Variants in ZPLD1 observed in about 807,000 individuals in gnomAD.
ZPLD1 encodes the protein zona pellucida like domain containing 1.
In ZPLD1, 34 loss-of-function variants were observed where a neutral mutation model predicts 47.2. That is an observed-to-expected ratio of 0.72 (90% CI 0.55 to 0.96). ZPLD1 has a LOEUF of 0.96. Among genes scored for constraint, ZPLD1 ranks in the 40% least tolerant of loss-of-function variants. ZPLD1 has a pLI of 0.00. For synonymous variants in ZPLD1, 176 were observed against 186.2 expected, an observed-to-expected ratio of 0.95 and a Z score of 0.45; for missense variants, 512 against 505.8, an observed-to-expected ratio of 1.01 and a Z score of -0.12.
At position 102,435,130 on chromosome 3, in the gene ZPLD1, T is replaced by C. The variant is rs1177591712; in HGVS notation, c.-147T>C. On this transcript the variant is annotated 5_prime_UTR_variant, in exon 1 of 12. Transcript: ENST00000466937. Reference sequence around the variant, plus strand: ...CTATGGCAAGATGATGCTCAGGTTTTCCATGTGCAGGGGAAATGATGAAGG... The same window carrying C: ...CTATGGCAAGATGATGCTCAGGTTTCCCATGTGCAGGGGAAATGATGAAGG... 2 of 1,614,058 alleles carry C rather than the reference T, an allele frequency of 1.2e-6. No individual in the cohort carries two copies. The highest frequency in any genetic ancestry group is 1.7e-6 in the Non-Finnish European group (2 of 1,180,016).
In ZPLD1 at chr3:102,464,172, T is replaced by C; in HGVS notation, c.682T>C (p.Trp228Arg). 3 of 1,606,780 alleles carry C rather than the reference T, an allele frequency of 1.9e-6. No individual in the cohort carries two copies. The highest frequency in any genetic ancestry group is 2.6e-6 in the Non-Finnish European group (3 of 1,173,790). The change falls in exon 8 of 12, where the codon TGG becomes CGG. Residue 228 changes from tryptophan to arginine, a missense_variant and splice_region_variant. Physicochemically the swap from Trp to Arg is moderately radical, Grantham distance 101. Coordinates refer to ENST00000466937, the MANE Select transcript of ZPLD1 (RefSeq NM_001329788.2). ...AVQATNLDGR[W>R]NVLMDYCYTT... The stretch of plus-strand genomic sequence containing the variant: ...TTATGTTTGCTTACATTCTTTCAGA[T>C]GGAATGTTTTAATGGATTATTGCTA...
chr3:102,422,201 G>T (rs1014487055), intron 8 of ZPLD1, among the ~76,000 whole-genome samples: 1 of 151,916 alleles, frequency 6.6e-6, no homozygotes, highest in Non-Finnish European at 1.5e-5. Flanking sequence ...TCCTAAATAC[G>T]AAGATGAATA....
At chr3:102,456,695 T>C (rs1707422772) in intron 5 of ZPLD1, among the ~76,000 whole-genome samples, 1 of 152,206 alleles carries the variant, frequency 6.6e-6, no homozygotes, top group African/African-American at 2.4e-5. Flanking sequence ...TCACTCCCTT[T>C]GCCCAAGAGC....
chr3:102,457,953 A>T, intron 6 of ZPLD1, 100 bp downstream of exon 6: 6 of 1,118,492 alleles, frequency 5.4e-6, no homozygotes, highest in Non-Finnish European at 8.0e-6. Context: ...AGCCACATTA[A>T]CCCTGTTATG....
At chr3:102,446,581 A>AT (rs1231007964) in intron 3 of ZPLD1, among the ~76,000 whole-genome samples, 4 of 152,096 alleles carry the variant, frequency 2.6e-5, no homozygotes, top group South Asian at 2.1e-4. Flanking sequence ...TTCTCCCTGA[A>AT]TTTTTTTATC....
intron 8 of ZPLD1, among the ~76,000 whole-genome samples, chr3:102,465,771 T>A (rs1229531194): frequency 6.6e-6 from 1 of 152,170 alleles, no homozygotes; most frequent in Non-Finnish European, 1.5e-5. Context: ...TTTTTGTGAA[T>A]CTAGGAGGAA....
At chr3:102,444,300 A>C (rs1707224210) in intron 3 of ZPLD1, among the ~76,000 whole-genome samples, 1 of 152,188 alleles carries the variant, frequency 6.6e-6, no homozygotes, top group Non-Finnish European at 1.5e-5. Context: ...AACAGCTTGC[A>C]TTTGCTAACG....
At chr3:102,394,541 GA>G (rs147438067) in intron 7 of ZPLD1, among the ~76,000 whole-genome samples, 20,127 of 150,708 alleles carry the variant, frequency 0.13, 1,404 homozygotes, top group Middle Eastern at 0.17. Flanking sequence ...TTAAAAAAAT[GA>G]AAAAAAAAGT....
chr3:102,397,238 A>G (rs899577414), intron 7 of ZPLD1, among the ~76,000 whole-genome samples: 1 of 152,140 alleles, frequency 6.6e-6, no homozygotes, highest in Non-Finnish European at 1.5e-5. Context: ...AAGGGATTAC[A>G]AGATATGTAA....
intron 9 of ZPLD1, among the ~76,000 whole-genome samples, chr3:102,470,020 A>T (rs901451376): frequency 6.6e-6 from 1 of 152,168 alleles, no homozygotes; most frequent in African/African-American, 2.4e-5. Context: ...GCTATGACAG[A>T]TGGGGGTAAA....
chr3:102,444,697 A>G (rs1707230619), intron 3 of ZPLD1, among the ~76,000 whole-genome samples: 1 of 152,186 alleles, frequency 6.6e-6, no homozygotes, highest in Non-Finnish European at 1.5e-5. Flanking sequence ...GGAGCCCAGG[A>G]TGTAAATTAT....
intron 8 of ZPLD1, among the ~76,000 whole-genome samples, chr3:102,423,434 C>CA (rs1343060505): frequency 6.6e-6 from 1 of 151,962 alleles, no homozygotes; most frequent in East Asian, 1.9e-4. Context: ...TAAAACTCCT[C>CA]AAGTAATTCA....
intron 7 of ZPLD1, among the ~76,000 whole-genome samples, chr3:102,412,172 T>G (rs1706753566): frequency 6.6e-6 from 1 of 151,822 alleles, no homozygotes; most frequent in Admixed American, 6.6e-5. Flanking sequence ...CAAAGTCTAC[T>G]GATTGTAAAT....
At chr3:102,462,716 G>T (rs1559759581) in intron 7 of ZPLD1, among the ~76,000 whole-genome samples, 2 of 151,898 alleles carry the variant, frequency 1.3e-5, no homozygotes, top group Non-Finnish European at 2.9e-5. Context: ...TGATTTGCTT[G>T]CTTTTCCATA....
At chr3:102,391,781 G>A (rs1269481437) in intron 6 of ZPLD1, among the ~76,000 whole-genome samples, 2 of 152,062 alleles carry the variant, frequency 1.3e-5, no homozygotes, top group East Asian at 1.9e-4. Flanking sequence ...GTAGTTTCAA[G>A]GTTTGGAGTG....
In ZPLD1 at chr3:102,477,016, G is replaced by C; in HGVS notation, c.1047G>C (p.Glu349Asp). The C allele has an allele frequency of 6.2e-7, 1 of 1,613,444 alleles. No homozygotes were observed. The highest frequency in any genetic ancestry group is 8.5e-7 in the Non-Finnish European group (1 of 1,179,598). Residue 349 changes from glutamate (E) to aspartate (D), a missense_variant, in exon 11 of 12, where the codon GAG becomes GAC. Coordinates refer to ENST00000466937, the MANE Select transcript of ZPLD1 (RefSeq NM_001329788.2). The stretch of plus-strand genomic sequence containing the variant: ...TTTTCTGTTTTTTCCCCTCAGATGA[G>C]ACTCCAACCAACAATTCGCAACTTG... ...SAGPIITRSD[E>D]TPTNNSQLGS...
At chr3:102,475,195 T>C (rs1466584068) in intron 10 of ZPLD1, among the ~76,000 whole-genome samples, 1 of 152,108 alleles carries the variant, frequency 6.6e-6, no homozygotes, top group Non-Finnish European at 1.5e-5. Flanking sequence ...GTCGTTCCAG[T>C]CTTATTTGGA....
intron 7 of ZPLD1, among the ~76,000 whole-genome samples, chr3:102,415,650 TA>T (rs1368181207): frequency 6.6e-6 from 1 of 151,882 alleles, no homozygotes; most frequent in Non-Finnish European, 1.5e-5. Flanking sequence ...AAGGTGCTTA[TA>T]CTGAATAATA....
At chr3:102,420,204 C>G (rs2107305622) in intron 8 of ZPLD1, among the ~76,000 whole-genome samples, 1 of 151,996 alleles carries the variant, frequency 6.6e-6, no homozygotes. Flanking sequence ...TCAATTCCAC[C>G]AGTTTGAATG....
Sources: gnomAD v4.1 joint callset for allele counts (sites outside exome capture counted in the v4.1 genomes callset) on GRCh38, gnomAD v4.1.1 for gene constraint, MANE v1.5 for transcripts, NCBI Gene and HGNC (gene_info 2026-07-23, HGNC 2026-07-21) for gene names.